COL6A5: variants seen among roughly 807,000 people sequenced by gnomAD.
The protein encoded by COL6A5 is collagen type VI alpha 5 chain, also known as collagen alpha-5(VI) chain.
COL6A5 carries 48 observed loss-of-function variants against 65.6 expected under a neutral mutation model. The observed-to-expected ratio is 0.73, with a 90% CI of 0.58 to 0.93. COL6A5 has a LOEUF of 0.93. Among genes scored for constraint, COL6A5 ranks in the 40% least tolerant of loss-of-function variants. COL6A5 has a pLI of 0.00. For synonymous variants in COL6A5, 291 were observed against 322.8 expected, an observed-to-expected ratio of 0.90 and a Z score of 1.05; for missense variants, 914 against 928.3, an observed-to-expected ratio of 0.98 and a Z score of 0.20.
rs559166901 is a variant in COL6A5 at position 130,452,422 on chromosome 3, G to C, written c.1333-3033G>C. Among the ~76,000 whole-genome samples, 524 of 152,264 alleles carry C rather than the reference G, an allele frequency of 3.4e-3. 3 individuals carry two copies. Among genetic ancestry groups the C allele is most frequent in the Admixed American group, 8.6e-3 (132 of 15,284 alleles). ...AGAAATAAAGGGACAGAGTACAAAA[G>C]AGAGAAATTTTAAAGCTGGGCATCC... On this transcript the variant is annotated intron_variant, in intron 4 of 7. Coordinates refer to ENST00000512836, the Ensembl canonical transcript of COL6A5.
intron 3 of COL6A5, among the ~76,000 whole-genome samples, chr3:130,377,075 A>G (rs918022374): frequency 8.5e-5 from 13 of 152,124 alleles, no homozygotes; most frequent in Non-Finnish European, 1.6e-4. Flanking sequence ...CATCATTTAA[A>G]TCTCATCCCT....
intron 20 of COL6A5, among the ~76,000 whole-genome samples, chr3:130,412,239 C>G (rs1937197704): frequency 6.6e-6 from 1 of 152,196 alleles, no homozygotes; most frequent in Non-Finnish European, 1.5e-5. Flanking sequence ...ATTTAATCCT[C>G]ATAACATACC....
chr3:130,385,299 G>A (rs1411349867), exon 5 of COL6A5: 1 of 1,550,922 alleles, frequency 6.4e-7, no homozygotes, highest in Non-Finnish European at 8.7e-7. Flanking sequence ...GTTAGCTTTG[G>A]GCAGAACTTT....
At chr3:130,460,868 T>C (rs1577532958) in intron 5 of COL6A5, among the ~76,000 whole-genome samples, 1 of 151,354 alleles carries the variant, frequency 6.6e-6, no homozygotes. Flanking sequence ...CCAGTGGTGG[T>C]GGTGGTGGTA....
chr3:130,443,513 T>A (rs753542411), exon 4 of COL6A5: 1 of 1,611,670 alleles, frequency 6.2e-7, no homozygotes, highest in African/African-American at 1.3e-5. Context: ...TGCTTGAGGA[T>A]GCCTGTAGAC....
chr3:130,438,022 A>G (rs893519223), intron 1 of COL6A5, among the ~76,000 whole-genome samples: 1 of 152,176 alleles, frequency 6.6e-6, no homozygotes, highest in Non-Finnish European at 1.5e-5. Flanking sequence ...TTTTGTGAGA[A>G]AAGTCTCGCT....
At chr3:130,446,629 C>T (rs927866331) in intron 4 of COL6A5, among the ~76,000 whole-genome samples, 8 of 152,030 alleles carry the variant, frequency 5.3e-5, no homozygotes, top group African/African-American at 1.9e-4. Context: ...ACAGATCTCA[C>T]CACGTCTGAG....
At chr3:130,396,604 A>G (rs1936609355) in intron 8 of COL6A5, among the ~76,000 whole-genome samples, 1 of 152,248 alleles carries the variant, frequency 6.6e-6, no homozygotes, top group African/African-American at 2.4e-5. Flanking sequence ...AAGGTTCTAC[A>G]TTAAAAATGT....
intron 8 of COL6A5, among the ~76,000 whole-genome samples, chr3:130,396,422 A>G (rs1936602428): frequency 1.3e-5 from 2 of 152,226 alleles, no homozygotes; most frequent in South Asian, 2.1e-4. Flanking sequence ...TCAGAAAGCT[A>G]GAGTTCTAAC....
At chr3:130,346,708 A>T (rs1934490894) in intron 1 of COL6A5, among the ~76,000 whole-genome samples, 1 of 152,152 alleles carries the variant, frequency 6.6e-6, no homozygotes, top group Admixed American at 6.6e-5. Flanking sequence ...TCTTACCAGG[A>T]TCTTCATAAG....
At chr3:130,410,174 T>C (rs1239377034) in intron 19 of COL6A5, 100 bp downstream of exon 19, 1 of 863,372 alleles carries the variant, frequency 1.2e-6, no homozygotes, top group Non-Finnish European at 1.8e-6. Context: ...CAAATGCTCT[T>C]AAGACCACAT....
intron 6 of COL6A5, among the ~76,000 whole-genome samples, 168 bp downstream of exon 38, chr3:130,469,649 A>G (rs1308132425): frequency 6.6e-6 from 1 of 152,202 alleles, no homozygotes; most frequent in East Asian, 1.9e-4. Context: ...TTTTTTGACC[A>G]TGAGCCTTGC....
intron 3 of COL6A5, 71 bp downstream of exon 35, chr3:130,440,896 AT>A: frequency 8.8e-7 from 1 of 1,133,842 alleles, no homozygotes; most frequent in Middle Eastern, 2.1e-4. Flanking sequence ...TTGATAACCT[AT>A]TTTTGTATCT....
chr3:130,380,100 AC>A, intron 4 of COL6A5, 50 bp downstream of exon 4: 1 of 1,296,552 alleles, frequency 7.7e-7, no homozygotes, highest in Non-Finnish European at 1.0e-6. Flanking sequence ...ATAAGTGGTT[AC>A]CTAGGACTAG....
At chr3:130,437,898 A>G (rs919683048) in intron 1 of COL6A5, among the ~76,000 whole-genome samples, 3 of 152,054 alleles carry the variant, frequency 2.0e-5, no homozygotes, top group African/African-American at 7.2e-5. Context: ...TATAAAAAGT[A>G]TTACTTCCCA....
chr3:130,388,484 T>C (rs2107650101), intron 5 of COL6A5, 96 bp from the exon 6 acceptor site: 1 of 1,014,586 alleles, frequency 9.9e-7, no homozygotes, highest in South Asian at 1.9e-5. Flanking sequence ...TAATTTTCAA[T>C]GTTTTCTCAT....
intron 5 of COL6A5, among the ~76,000 whole-genome samples, chr3:130,463,546 C>T (rs557085878): frequency 2.0e-5 from 3 of 152,082 alleles, no homozygotes; most frequent in Non-Finnish European, 4.4e-5. Flanking sequence ...AGTCAGGCTA[C>T]TCTCTGGGGG....
chr3:130,398,128 GT>G lies in COL6A5; in HGVS notation c.3991+37del, dbSNP rs35177024. The G allele has an allele frequency of 0.18, 161,249 of 890,628 alleles. 589 individuals are homozygous for G. Among genetic ancestry groups the G allele is most frequent in the East Asian group, 0.21 (6,350 of 30,216 alleles). The allele number at this position is 890,628 out of a possible 1,614,324, so 55.2% of individuals were successfully genotyped here. ...GAGAAGCAGGTATTGAGTTGTTGTT[GT>G]TTTTTTTTTTTTTTTTTTTGAGATG... On this transcript the variant is annotated intron_variant and NMD_transcript_variant, in intron 10 of 41. Coordinates refer to the COL6A5 transcript ENST00000312481.
At chr3:130,349,152 A>G (rs1392003112) in intron 1 of COL6A5, among the ~76,000 whole-genome samples, 1 of 152,230 alleles carries the variant, frequency 6.6e-6, no homozygotes, top group Non-Finnish European at 1.5e-5. Flanking sequence ...AACGTTCCAC[A>G]TTATTCGATT....
Sources: gnomAD v4.1 joint callset for allele counts (sites outside exome capture counted in the v4.1 genomes callset) on GRCh38, gnomAD v4.1.1 for gene constraint, MANE v1.5 for transcripts, NCBI Gene and HGNC (gene_info 2026-07-23, HGNC 2026-07-21) for gene names.